XXYLT1: variants seen among roughly 807,000 people sequenced by gnomAD.
XXYLT1 encodes the protein UDP-xylose:alpha-xyloside alpha-1,3-xylosyltransferase.
A neutral mutation model predicts 28.9 loss-of-function variants in XXYLT1; 20 were observed. The observed-to-expected ratio is 0.69, with a 90% CI of 0.49 to 1.00. The LOEUF is 1.00. Among genes scored for constraint, XXYLT1 ranks in the 50% least tolerant of loss-of-function variants. The pLI is 0.00. For missense variants in XXYLT1, 542 were observed against 560.1 expected, an observed-to-expected ratio of 0.97 and a Z score of 0.33; for synonymous variants, 257 against 253.8, an observed-to-expected ratio of 1.01 and a Z score of -0.12.
At chr3:195,137,111 T>A (rs1214075463) in intron 3 of XXYLT1, among the ~76,000 whole-genome samples, 2 of 152,040 alleles carry the variant, frequency 1.3e-5, no homozygotes, top group Admixed American at 1.3e-4. Flanking sequence ...AGTGCCCAGG[T>A]GCCTCATCAG....
intron 3 of XXYLT1, among the ~76,000 whole-genome samples, chr3:195,143,886 ATATTTATTTTTTATTTT>A (rs1719687749): frequency 8.6e-6 from 1 of 116,848 alleles, no homozygotes; most frequent in African/African-American, 3.5e-5. Flanking sequence ...ATATATATAT[ATATTTATTTTTTATTTT>A]TATTTTTTTT....
rs777243821 is a variant in XXYLT1 at position 195,173,464 on chromosome 3, A to G, written c.653-16883T>C. ...TCTGGTTCATATAAGACTGGGCGGAAGAACAGCTCCCAGCACAGCCTTGCT... is the reference window on the plus strand; with the variant it reads ...TCTGGTTCATATAAGACTGGGCGGAGGAACAGCTCCCAGCACAGCCTTGCT... On this transcript the variant is annotated intron_variant, in intron 2 of 3. Coordinates refer to ENST00000310380, the MANE Select transcript of XXYLT1 (RefSeq NM_152531.5). This position sits in a 1 kb window ranked among gnomAD's most constrained non-coding sequence, Gnocchi z 4.3. 6.6e-6 allele frequency among the ~76,000 whole-genome samples: 1 copy of G among 152,234 alleles called. No homozygotes were observed.
intron 3 of XXYLT1, among the ~76,000 whole-genome samples, chr3:195,110,240 GC>G (rs1560100487): frequency 0.018 from 122 of 6,752 alleles, no homozygotes; most frequent in East Asian, 0.043. Flanking sequence ...TGTGTGGTGT[GC>G]GTGTGTGGGT....
intron 1 of XXYLT1, among the ~76,000 whole-genome samples, chr3:195,231,961 G>A (rs1384985221): frequency 2.0e-5 from 3 of 152,062 alleles, no homozygotes; most frequent in Admixed American, 6.5e-5. Flanking sequence ...TTTGAGTAGG[G>A]TTGGTATTAC....
chr3:195,226,930 T>C lies in XXYLT1; in HGVS notation c.505-74A>G, dbSNP rs542997535. ...GCAAGCTCAACACCCAACAAGCACC[T>C]GGGCCCACAGAGGCAGAGGCAGACA... On this transcript the variant is annotated intron_variant, in intron 1 of 3. Transcript: ENST00000310380. 161 of 1,552,402 alleles carry C rather than the reference T, an allele frequency of 1.0e-4. No homozygotes were observed. In the African/African-American group the frequency reaches 2.1e-3, roughly 20 times the overall value.
At chr3:195,243,359 TA>T (rs550882445) in intron 1 of XXYLT1, among the ~76,000 whole-genome samples, 153 of 140,742 alleles carry the variant, frequency 1.1e-3, no homozygotes, top group South Asian at 2.7e-3. Flanking sequence ...CAAAGTATAA[TA>T]AAAAAAAAAA....
At position 195,256,985 on chromosome 3, in the gene XXYLT1, A is replaced by G. The variant is rs1725501742; in HGVS notation, c.504+13570T>C. On this transcript the variant is annotated intron_variant, in intron 1 of 3. Transcript: ENST00000310380. The surrounding 1 kb of genome is among the most constrained non-coding windows in gnomAD (Gnocchi z 4.2). The stretch of plus-strand genomic sequence containing the variant: ...CATCAGCATTTCTTCATGGTAATGC[A>G]AGGGGGACAGTTCCAAAACCCAAAA... Among the ~76,000 whole-genome samples the G allele has an allele frequency of 6.6e-6, 1 of 152,178 alleles. No individual in the cohort carries two copies. Among genetic ancestry groups the G allele is most frequent in the African/African-American group, 2.4e-5 (1 of 41,442 alleles).
intron 3 of XXYLT1, among the ~76,000 whole-genome samples, chr3:195,080,879 G>A (rs953882617): frequency 6.6e-6 from 1 of 152,212 alleles, no homozygotes; most frequent in Non-Finnish European, 1.5e-5. Flanking sequence ...CAGGCACGAA[G>A]GTGCTGGGCA....
At chr3:195,071,682 G>A (rs1365032371) in intron 3 of XXYLT1, among the ~76,000 whole-genome samples, 4 of 152,068 alleles carry the variant, frequency 2.6e-5, no homozygotes, top group African/African-American at 9.7e-5. Flanking sequence ...GGTCACACAG[G>A]GTTGGGATGC....
chr3:195,229,688 G>A (rs1173097463), intron 1 of XXYLT1, among the ~76,000 whole-genome samples: 1 of 152,172 alleles, frequency 6.6e-6, no homozygotes, highest in Non-Finnish European at 1.5e-5. Context: ...ACGATCTCCG[G>A]TTCCATCACT....
chr3:195,162,875 T>A (rs1229153565), intron 2 of XXYLT1, among the ~76,000 whole-genome samples: 4 of 152,246 alleles, frequency 2.6e-5, no homozygotes, highest in African/African-American at 9.6e-5. Flanking sequence ...TGTAGTTCAA[T>A]ACACAGGGGA....
At position 195,270,957 on chromosome 3, in the gene XXYLT1, G is replaced by A; in HGVS notation, c.102C>T (p.Ala34=). ...YCALLLAAAL[A]VCAFYYLGSG... is the part of the protein sequence containing the mutation. Reference sequence around the variant, plus strand: ...AGCCGAGGTAGTAGAAGGCGCAGACGGCCAGCGCCGCGGCCAGCAGCAGGG... The same window carrying A: ...AGCCGAGGTAGTAGAAGGCGCAGACAGCCAGCGCCGCGGCCAGCAGCAGGG... The change falls in exon 1 of 4, where the codon GCC becomes GCT. Residue 34 remains alanine (A), a synonymous_variant. Transcript: ENST00000310380. 6.7e-7 allele frequency: 1 copy of A among 1,488,550 alleles called. No individual in the cohort carries two copies. Among genetic ancestry groups the A allele is most frequent in the Non-Finnish European group, 8.9e-7 (1 of 1,122,032 alleles). The allele number at this position is 1,488,550 out of a possible 1,614,324, so 92.2% of individuals were successfully genotyped here.
chr3:195,163,805 T>C (rs1017227526), intron 2 of XXYLT1, among the ~76,000 whole-genome samples: 1 of 152,262 alleles, frequency 6.6e-6, no homozygotes, highest in African/African-American at 2.4e-5. Context: ...ATCCTAGATC[T>C]CATTTCCATC....
intron 3 of XXYLT1, among the ~76,000 whole-genome samples, chr3:195,112,667 G>A (rs571130757): frequency 6.6e-6 from 1 of 150,420 alleles, no homozygotes; most frequent in Non-Finnish European, 1.5e-5. Flanking sequence ...GCCCCGGGTG[G>A]TGGGAATAGT....
chr3:195,195,130 C>G lies in XXYLT1; in HGVS notation c.652+31579G>C, dbSNP rs1722573310. 6.6e-6 allele frequency among the ~76,000 whole-genome samples: 1 copy of G among 151,914 alleles called. No homozygotes were observed. Among genetic ancestry groups the G allele is most frequent in the Non-Finnish European group, 1.5e-5 (1 of 67,998 alleles). On this transcript the variant is annotated intron_variant, in intron 2 of 3. Transcript: ENST00000310380. This position sits in a 1 kb window ranked among gnomAD's most constrained non-coding sequence, Gnocchi z 4.4. ...TAAAAATTCTCTTTAAACCATAAAA[C>G]AGCAGCTGTTACTACAATGGTTGTT...
intron 3 of XXYLT1, among the ~76,000 whole-genome samples, chr3:195,152,044 C>T (rs548938618): frequency 2.3e-4 from 35 of 152,298 alleles, no homozygotes; most frequent in African/African-American, 7.9e-4. Context: ...TCAGAGAATC[C>T]AGTGACTCAC....
chr3:195,219,664 A>C (rs534981353), intron 2 of XXYLT1, among the ~76,000 whole-genome samples: 1 of 152,318 alleles, frequency 6.6e-6, no homozygotes, highest in African/African-American at 2.4e-5. Flanking sequence ...TGAATCTTAC[A>C]CCAGCCTTTG....
At chr3:195,228,150 G>A (rs946373744) in intron 1 of XXYLT1, among the ~76,000 whole-genome samples, 1 of 152,198 alleles carries the variant, frequency 6.6e-6, no homozygotes, top group Non-Finnish European at 1.5e-5. Flanking sequence ...GGACAAGCCT[G>A]CCACACTGCA....
At chr3:195,087,870 G>A (rs1032663159) in intron 3 of XXYLT1, among the ~76,000 whole-genome samples, 1 of 151,910 alleles carries the variant, frequency 6.6e-6, no homozygotes, top group Non-Finnish European at 1.5e-5. Context: ...CCTCACTTGG[G>A]AAGCGCAAGG....
Sources: allele counts gnomAD v4.1 joint callset (sites outside exome capture counted in the v4.1 genomes callset), GRCh38; gene constraint gnomAD v4.1.1; non-coding constraint Gnocchi (gnomAD v3.1); transcripts MANE v1.5; gene names NCBI Gene and HGNC (gene_info 2026-07-23, HGNC 2026-07-21).